The following AK4 variants were observed in gnomAD, a reference collection of about 807,000 sequenced individuals.
AK4 encodes adenylate kinase 4, also known as adenylate kinase 4, mitochondrial.
In AK4, 13 loss-of-function variants were observed where a neutral mutation model predicts 24.6. That is an observed-to-expected ratio of 0.53 (90% confidence interval 0.34 to 0.84). The LOEUF (loss-of-function observed/expected upper bound fraction) is 0.84, where lower values mean the gene tolerates loss of function less well. AK4 is among the 40% of genes least tolerant of loss of function. AK4 has a pLI of 0.01. For synonymous variants in AK4, 88 were observed against 107.0 expected (o/e 0.82, Z 1.10); for missense variants, 192 against 288.2 (o/e 0.67, Z 2.42).
intron 1 of AK4, chr1:65,149,220 G>A (rs2100971506): frequency 6.6e-6 from 1 of 152,528 alleles, no homozygotes; most frequent in East Asian, 1.9e-4. Context: ...GACTCGTTCT[G>A]ATAAATTACA....
At chr1:65,148,864 T>G (rs1481049081) in intron 1 of AK4, 1 of 248,770 alleles carries the variant, frequency 4.0e-6, no homozygotes, top group East Asian at 8.6e-5. Context: ...GGAGCTTCCG[T>G]CTCACGCTGC....
chr1:65,225,198 C>T (rs1652416118), intron 4 of AK4, among the ~76,000 whole-genome samples: 1 of 152,146 alleles, frequency 6.6e-6, no homozygotes, highest in South Asian at 2.1e-4. Context: ...GATACTCCCA[C>T]ATATAAATAT....
chr1:65,197,984 A>AT (rs1234656140), intron 2 of AK4, among the ~76,000 whole-genome samples: 1 of 152,200 alleles, frequency 6.6e-6, no homozygotes, highest in Non-Finnish European at 1.5e-5. Flanking sequence ...AATAAAGTGT[A>AT]TAATAGATTT....
intron 1 of AK4, among the ~76,000 whole-genome samples, chr1:65,189,913 A>T (rs1651237361): frequency 6.6e-6 from 1 of 152,204 alleles, no homozygotes; most frequent in Admixed American, 6.5e-5. Flanking sequence ...CCATCTGCTT[A>T]TATTGAGGTT....
intron 1 of AK4, among the ~76,000 whole-genome samples, chr1:65,163,392 T>C (rs1357666570): frequency 6.6e-6 from 1 of 152,182 alleles, no homozygotes; most frequent in Non-Finnish European, 1.5e-5. Flanking sequence ...AGAAGATTTA[T>C]AGACAAAAAA....
At chr1:65,207,010 C>T (rs1651832832) in intron 2 of AK4, among the ~76,000 whole-genome samples, 1 of 152,116 alleles carries the variant, frequency 6.6e-6, no homozygotes, top group Admixed American at 6.5e-5. Flanking sequence ...TCAGTGAAGC[C>T]ATTTGGGAAT....
chr1:65,197,140 G>A (rs1651496948), intron 2 of AK4, among the ~76,000 whole-genome samples: 1 of 152,160 alleles, frequency 6.6e-6, no homozygotes, highest in Non-Finnish European at 1.5e-5. Flanking sequence ...ATGAGACTTG[G>A]GTGGGGACAC....
chr1:65,191,042 TG>T (rs1332826336), intron 2 of AK4, among the ~76,000 whole-genome samples: 1 of 152,278 alleles, frequency 6.6e-6, no homozygotes, highest in Non-Finnish European at 1.5e-5. Context: ...ACCACTGACT[TG>T]AAGCAAATAT....
chr1:65,148,873 G>C lies in AK4; in HGVS notation c.145+321G>C, dbSNP rs548477344. 347 of 232,416 alleles carry C rather than the reference G, an allele frequency of 1.5e-3. 2 individuals are homozygous for C. Among genetic ancestry groups the C allele is most frequent in the African/African-American group, 7.5e-3 (330 of 43,846 alleles). 14.4% of individuals were successfully genotyped at this position (232,416 alleles called of 1,614,324 possible). ...AAACCCGGAGCTTCCGTCTCACGCT[G>C]CCCTCCTTAAGGCAGAGCCGTCCCC... On this transcript the variant is annotated intron_variant, in intron 1 of 4. Coordinates refer to ENST00000327299, the MANE Select transcript of AK4 (RefSeq NM_013410.4).
rs554247520 is a variant in AK4, at chr1:65,211,928, A to G, written c.266-6826A>G. On this transcript the variant is annotated intron_variant, in intron 2 of 4. Transcript: ENST00000327299. ...AGAGGTGCAGTTTAACAGGACAGTT[A>G]GAAAAGTCTTAACAAGGCACCACTG... is the stretch of plus-strand genomic sequence containing the variant. Among the ~76,000 whole-genome samples the G allele has an allele frequency of 3.3e-5, 5 of 152,338 alleles. No homozygotes were observed. In the South Asian group the frequency reaches 1.0e-3, roughly 32 times the overall value.
chr1:65,177,762 T>C (rs192634926), intron 1 of AK4, among the ~76,000 whole-genome samples: 17 of 152,286 alleles, frequency 1.1e-4, no homozygotes, highest in Admixed American at 2.0e-4. Flanking sequence ...CAACCTGTGG[T>C]AATGATCTTT....
At chr1:65,182,248 G>T (rs143025069) in intron 1 of AK4, among the ~76,000 whole-genome samples, 39 of 152,276 alleles carry the variant, frequency 2.6e-4, no homozygotes, top group African/African-American at 8.7e-4. Flanking sequence ...TATCTTTAGT[G>T]CCTTGTGTGG....
rs1437571611 is a variant in AK4, at chr1:65,226,340, A to G, written c.*163A>G. ...AACAAATGAGTAGAAAGAGTTCATG[A>G]AGAGGCCCTCCTCTGCCTTTCAAAA... On this transcript the variant is annotated 3_prime_UTR_variant, in exon 5 of 5. Transcript: ENST00000327299. The G allele has an allele frequency of 2.3e-6, 2 of 867,858 alleles. No individual in the cohort carries two copies. The highest frequency in any genetic ancestry group is 6.0e-5 in the Admixed American group (2 of 33,542). 53.8% of individuals were successfully genotyped at this position (867,858 alleles called of 1,614,324 possible).
chr1:65,220,898 G>A (rs1652275861), intron 3 of AK4, among the ~76,000 whole-genome samples: 1 of 152,136 alleles, frequency 6.6e-6, no homozygotes, highest in Non-Finnish European at 1.5e-5. Context: ...AGCTTTATAA[G>A]ATCAGGGAGA....
chr1:65,199,733 T>A (rs1651604420), intron 2 of AK4, among the ~76,000 whole-genome samples: 2 of 152,198 alleles, frequency 1.3e-5, no homozygotes, highest in African/African-American at 4.8e-5. Context: ...TTATCCAGAA[T>A]GCTCGGGACC....
chr1:65,227,390 T>C lies in AK4; in HGVS notation c.*1213T>C, dbSNP rs1390191176. 1.3e-5 allele frequency: 2 copies of C among 152,576 alleles called. No homozygotes were observed. The highest frequency in any genetic ancestry group is 2.9e-5 in the Non-Finnish European group (2 of 68,036). 9.5% of individuals were successfully genotyped at this position (152,576 alleles called of 1,614,324 possible). On this transcript the variant is annotated 3_prime_UTR_variant, in exon 5 of 5. Transcript: ENST00000327299. The stretch of plus-strand genomic sequence containing the variant: ...ATGAGAAAACAAATTCTTTATTTTT[T>C]TTTTCTGTTCCAAAGATTCATCCTA...
chr1:65,169,221 C>G (rs1650432913), intron 1 of AK4, among the ~76,000 whole-genome samples: 1 of 151,374 alleles, frequency 6.6e-6, no homozygotes, highest in African/African-American at 2.4e-5. Flanking sequence ...AAAAAACACA[C>G]TTAGCCTAAA....
At position 65,148,524 on chromosome 1, in the gene AK4, C is replaced by G; in HGVS notation, c.117C>G (p.Phe39Leu). The part of the protein sequence containing the change: ...FGLQHLSSGH[F>L]LRENIKASTE... ...TCCAGCATCTCTCCAGCGGCCACTT[C>G]TTGCGGGAGAACATCAAGGCCAGCA... Residue 39 changes from phenylalanine to leucine, a missense_variant, in exon 1 of 5, where the codon TTC (phenylalanine) becomes TTG (leucine). Phe to Leu is a conservative substitution (Grantham distance 22, BLOSUM62 0). Transcript: ENST00000327299. 2 of 1,600,218 alleles carry G rather than the reference C, an allele frequency of 1.2e-6. No individual in the cohort carries two copies. The highest frequency in any genetic ancestry group is 1.7e-6 in the Non-Finnish European group (2 of 1,173,516).
chr1:65,202,518 T>G lies in AK4; in HGVS notation c.265+11689T>G, dbSNP rs566722741. 8.5e-5 allele frequency among the ~76,000 whole-genome samples: 13 copies of G among 152,352 alleles called. No homozygotes were observed. In the South Asian group the frequency reaches 2.7e-3, roughly 32 times the overall value. ...GTGTGTCTTGACTTACATGTTCAGA[T>G]GCACCTAGCCCATTTGCCATTGCTG... On this transcript the variant is annotated intron_variant, in intron 2 of 4. Coordinates refer to ENST00000327299, the MANE Select transcript of AK4 (RefSeq NM_013410.4).
Sources: allele counts gnomAD v4.1 joint callset (sites outside exome capture counted in the v4.1 genomes callset), GRCh38; gene constraint gnomAD v4.1.1; transcripts MANE v1.5; gene names NCBI Gene and HGNC (gene_info 2026-07-23, HGNC 2026-07-21).